The following COPB1 variants were observed in gnomAD, a reference collection of about 807,000 sequenced individuals.
COPB1 encodes the protein coatomer subunit beta.
In COPB1, 21 loss-of-function variants were observed where a neutral mutation model predicts 108.7. The observed-to-expected ratio is 0.19, with a 90% CI of 0.14 to 0.28. The LOEUF is 0.28. Among genes scored for constraint, COPB1 ranks in the 10% least tolerant of loss-of-function variants. The pLI is 1.00. For missense variants in COPB1, 919 were observed against 1,141.3 expected, an observed-to-expected ratio of 0.81 and a Z score of 2.81; for synonymous variants, 378 against 386.8, an observed-to-expected ratio of 0.98 and a Z score of 0.27.
intron 6 of COPB1, 35 bp from the exon 7 acceptor site, chr11:14,486,539 C>G (rs1850780127): frequency 5.0e-6 from 8 of 1,604,210 alleles, no homozygotes; most frequent in Non-Finnish European, 6.8e-6. Flanking sequence ...CAACCGATTT[C>G]AGGAACGCTT....
At chr11:14,468,642 C>A in intron 16 of COPB1, 39 bp downstream of exon 16, 1 of 1,581,476 alleles carries the variant, frequency 6.3e-7, no homozygotes, top group South Asian at 1.1e-5. Flanking sequence ...CTTAAGGAGT[C>A]GATTTAAATA....
intron 16 of COPB1, among the ~76,000 whole-genome samples, 200 bp downstream of exon 16, chr11:14,468,481 G>C (rs1850331658): frequency 6.6e-6 from 1 of 152,174 alleles, no homozygotes; most frequent in Non-Finnish European, 1.5e-5. Context: ...ACTGGATCGA[G>C]TTAAACCATC....
chr11:14,472,822 T>C (rs1367845158), intron 14 of COPB1, among the ~76,000 whole-genome samples: 1 of 152,202 alleles, frequency 6.6e-6, no homozygotes, highest in African/African-American at 2.4e-5. Context: ...CTTCTGAAGC[T>C]TCCTAACCTC....
In COPB1 at chr11:14,469,546, A is replaced by G. The variant is rs772666397; in HGVS notation, c.1755T>C (p.Ala585=). 10 of 1,614,054 alleles carry G rather than the reference A, an allele frequency of 6.2e-6. No individual in the cohort carries two copies. The highest frequency in any genetic ancestry group is 8.5e-6 in the Non-Finnish European group (10 of 1,180,014). The change falls in exon 15 of 22, where the codon GCT becomes GCC. Residue 585 remains alanine (A), a synonymous_variant. Transcript: ENST00000439561. ...GCAGGATAGTAGCCATGAGCAACATAGCCTCAGCAACAAAAGACTAAGAAA... is the reference window on the plus strand; with the variant it reads ...GCAGGATAGTAGCCATGAGCAACATGGCCTCAGCAACAAAAGACTAAGAAA... ...KKKQNSFVAE[A]MLLMATILHL... is the part of the protein sequence containing the mutation.
chr11:14,474,474 A>G (rs1239883740), intron 14 of COPB1, 21 bp downstream of exon 14: 3 of 1,609,200 alleles, frequency 1.9e-6, no homozygotes, highest in Non-Finnish European at 2.5e-6. Context: ...TGTTGGTTAA[A>G]TGTAAAATAA....
intron 11 of COPB1, among the ~76,000 whole-genome samples, chr11:14,477,394 A>AAAAAAAAAAAAAAAAAAAAAAAC: frequency 7.0e-6 from 1 of 143,708 alleles, no homozygotes; most frequent in Non-Finnish European, 1.5e-5. Context: ...CGTCTCAAAA[A>AAAAAAAAAAAAAAAAAAAAAAAC]AAAAAAAAAA....
chr11:14,498,787 T>G, intron 2 of COPB1, 51 bp downstream of exon 2: 1 of 1,426,590 alleles, frequency 7.0e-7, no homozygotes, highest in East Asian at 2.3e-5. Context: ...GAGTTTTTTA[T>G]TTTTGTTTTT....
Position 14,461,221 on chromosome 11 carries a change from G to A in COPB1, c.2521C>T (p.Arg841Cys), listed in dbSNP as rs767739349. ...CATTCAAATTCGGCCCACATCTGAC[G>A]GAATTCTGCATCAGTGCAAGTTGCA... ...QPATCTDAEF[R>C]QMWAEFEWEN... The change falls in exon 19 of 22, where the codon CGT becomes TGT. Residue 841 changes from arginine to cysteine, a missense_variant. Around this residue, in one of 5 missense-constraint regions of COPB1, gnomAD observed 705 missense variants for 817.8 expected, o/e 0.86. Transcript: ENST00000439561. 4.3e-6 allele frequency: 7 copies of A among 1,614,122 alleles called. No homozygotes were observed. Among genetic ancestry groups the A allele is most frequent in the South Asian group, 3.3e-5 (3 of 91,078 alleles).
At chr11:14,480,670 G>A in intron 10 of COPB1, 89 bp downstream of exon 10, 1 of 1,266,364 alleles carries the variant, frequency 7.9e-7, no homozygotes, top group Non-Finnish European at 1.1e-6. Context: ...GTTCTAGGCA[G>A]CTGAGATTTC....
At chr11:14,479,798 TG>T in intron 10 of COPB1, 84 bp from the exon 11 acceptor site, 3 of 1,321,082 alleles carry the variant, frequency 2.3e-6, no homozygotes, top group South Asian at 1.5e-5. Flanking sequence ...ATTAAAAGAA[TG>T]TAATTCTTTT....
intron 11 of COPB1, chr11:14,478,813 T>C (rs920707076): frequency 2.0e-5 from 3 of 152,002 alleles, no homozygotes; most frequent in African/African-American, 7.2e-5. Context: ...TCCCCTAAGA[T>C]TTTAATTAAA....
In COPB1 at chr11:14,481,013, C is replaced by A. The variant is rs774804460; in HGVS notation, c.1042G>T (p.Val348Phe). 6.2e-7 allele frequency: 1 copy of A among 1,613,912 alleles called. No homozygotes were observed. Among genetic ancestry groups the A allele is most frequent in the Non-Finnish European group, 8.5e-7 (1 of 1,179,898 alleles). Residue 348 changes from valine to phenylalanine, a missense_variant, in exon 9 of 22, where the codon GTC becomes TTC. Val to Phe is a conservative substitution (Grantham distance 50, BLOSUM62 -1). This residue lies in a region of COPB1 where 705 missense variants were observed against 817.8 expected (regional missense o/e 0.86). Coordinates refer to ENST00000439561, the MANE Select transcript of COPB1 (RefSeq NM_001144061.2). ...ACCTCTTCAACATTTCTAGAAGAGA[C>A]AAGATCCAGTGCTAACTGCAGAGTT... The part of the protein sequence containing the change: ...KKTLQLALDL[V>F]SSRNVEELVI...
chr11:14,478,984 C>CAAAAAAAAAAAAA (rs1850595924), intron 11 of COPB1: 1 of 91,070 alleles, frequency 1.1e-5, no homozygotes, highest in African/African-American at 3.8e-5. Flanking sequence ...AAAAAAAAAG[C>CAAAAAAAAAAAAA]AAATCCTTAA....
At chr11:14,458,074 A>ATTTTTTTTTT (rs748562590) in intron 21 of COPB1, among the ~76,000 whole-genome samples, 191 bp from the exon 22 acceptor site, 2 of 100,726 alleles carry the variant, frequency 2.0e-5, no homozygotes, top group African/African-American at 7.9e-5. Flanking sequence ...CCGTCACCAG[A>ATTTTTTTTTT]TTTTTTTTTT....
intron 18 of COPB1, among the ~76,000 whole-genome samples, chr11:14,461,827 G>C (rs527288438): frequency 6.6e-6 from 1 of 152,194 alleles, no homozygotes; most frequent in Non-Finnish European, 1.5e-5. Flanking sequence ...AGTATTAATG[G>C]GGAATTGCTT....
At chr11:14,498,742 T>G in intron 2 of COPB1, 96 bp downstream of exon 2, 3 of 977,022 alleles carry the variant, frequency 3.1e-6, no homozygotes, top group South Asian at 3.6e-5. Flanking sequence ...TAGACAAAAA[T>G]TAAGCATTTC....
At chr11:14,476,762 C>CT (rs10612229) in intron 12 of COPB1, among the ~76,000 whole-genome samples, 157 bp downstream of exon 12, 96 of 131,010 alleles carry the variant, frequency 7.3e-4, no homozygotes, top group Middle Eastern at 4.2e-3. Context: ...GCTACTGCTT[C>CT]TTTTTTTTTT....
chr11:14,468,925 C>T, intron 15 of COPB1, 65 bp from the exon 16 acceptor site: 4 of 1,329,678 alleles, frequency 3.0e-6, no homozygotes, highest in East Asian at 4.6e-5. Context: ...AGGCTTTTGA[C>T]AGAGACAGCC....
At chr11:14,462,388 G>A (rs909076908) in intron 18 of COPB1, among the ~76,000 whole-genome samples, 8 of 151,792 alleles carry the variant, frequency 5.3e-5, no homozygotes, top group African/African-American at 1.7e-4. Flanking sequence ...GCCTGCCACC[G>A]CGCCTGGCTA....
Sources: gnomAD v4.1 joint callset for allele counts (sites outside exome capture counted in the v4.1 genomes callset) on GRCh38, gnomAD v4.1.1 for gene constraint, gnomAD v4.1.1 regional missense constraint, MANE v1.5 for transcripts, NCBI Gene and HGNC (gene_info 2026-07-23, HGNC 2026-07-21) for gene names.